Variants in RASAL2 observed in about 807,000 individuals in gnomAD.
RASAL2 encodes the protein RAS protein activator like 2, also known as ras GTPase-activating protein nGAP.
Under a neutral mutation model 128.9 loss-of-function variants are expected in RASAL2, and 58 were observed. That is an observed-to-expected ratio of 0.45 (90% CI 0.36 to 0.56). The LOEUF (loss-of-function observed/expected upper bound fraction) is 0.56, where lower values mean the gene tolerates loss of function less well. Ranked by LOEUF, RASAL2 falls within the 20% of genes least tolerant of loss-of-function variation. The pLI, the probability that RASAL2 is intolerant of heterozygous loss-of-function variation, is 0.00. For synonymous variants in RASAL2, 561 were observed against 580.8 expected, an observed-to-expected ratio of 0.97 and a Z score of 0.49; for missense variants, 1,360 against 1,601.6, an observed-to-expected ratio of 0.85 and a Z score of 2.57.
chr1:178,409,353 G>C (rs1451366360), intron 4 of RASAL2, among the ~76,000 whole-genome samples: 1 of 152,170 alleles, frequency 6.6e-6, no homozygotes, highest in Non-Finnish European at 1.5e-5. Flanking sequence ...CACTGTGCTA[G>C]ATGTAAGGCT....
At chr1:178,149,708 C>T (rs182342260) in intron 1 of RASAL2, among the ~76,000 whole-genome samples, 43 of 152,138 alleles carry the variant, frequency 2.8e-4, no homozygotes, top group African/African-American at 1.0e-3. Flanking sequence ...TGTTTCCTAT[C>T]ATCTTTCCTT....
At chr1:178,219,958 C>T (rs192741342) in intron 1 of RASAL2, among the ~76,000 whole-genome samples, 26 of 152,144 alleles carry the variant, frequency 1.7e-4, no homozygotes, top group Non-Finnish European at 3.1e-4. Flanking sequence ...ATGGCTGGTA[C>T]CCTCCTCTCA....
intron 9 of RASAL2, among the ~76,000 whole-genome samples, chr1:178,447,059 A>G (rs1382608393): frequency 6.6e-6 from 1 of 152,212 alleles, no homozygotes; most frequent in African/African-American, 2.4e-5. Flanking sequence ...ATTTGTGAAA[A>G]CCTCAAATGC....
chr1:178,190,819 G>A (rs1372445897), intron 1 of RASAL2, among the ~76,000 whole-genome samples: 3 of 151,760 alleles, frequency 2.0e-5, no homozygotes, highest in Non-Finnish European at 4.4e-5. Context: ...TTTTTAGGTG[G>A]TGAAGACCTG....
chr1:178,103,225 T>C (rs1658970320), intron 1 of RASAL2, among the ~76,000 whole-genome samples: 1 of 152,176 alleles, frequency 6.6e-6, no homozygotes, highest in Non-Finnish European at 1.5e-5. Context: ...AGATATATTT[T>C]CCTTTCATTT....
At chr1:178,421,030 T>G (rs1416129639) in intron 5 of RASAL2, among the ~76,000 whole-genome samples, 3 of 152,188 alleles carry the variant, frequency 2.0e-5, no homozygotes, top group African/African-American at 7.2e-5. Context: ...CCGTATATGA[T>G]AAATACTATT....
At chr1:178,390,887 G>A (rs1193882588) in intron 4 of RASAL2, among the ~76,000 whole-genome samples, 3 of 151,838 alleles carry the variant, frequency 2.0e-5, no homozygotes, top group Non-Finnish European at 2.9e-5. Flanking sequence ...TTTTAGGAAC[G>A]GGATGTGGTT....
intron 17 of RASAL2, among the ~76,000 whole-genome samples, chr1:178,472,152 A>C (rs907030631): frequency 6.6e-6 from 1 of 152,192 alleles, no homozygotes; most frequent in Non-Finnish European, 1.5e-5. Flanking sequence ...AATCCTTAGG[A>C]GACTGATAAT....
intron 1 of RASAL2, among the ~76,000 whole-genome samples, chr1:178,279,910 AG>A (rs1321286173): frequency 1.3e-5 from 2 of 152,164 alleles, no homozygotes; most frequent in South Asian, 2.1e-4. Context: ...ATATAATGAA[AG>A]GTGTCAATAT....
At chr1:178,240,671 T>C (rs1028394856) in intron 1 of RASAL2, among the ~76,000 whole-genome samples, 3 of 151,766 alleles carry the variant, frequency 2.0e-5, no homozygotes, top group Admixed American at 6.6e-5. Flanking sequence ...ATAAACTTTT[T>C]AGTCTTTTAA....
At chr1:178,343,076 G>A (rs1306551771) in intron 3 of RASAL2, among the ~76,000 whole-genome samples, 3 of 152,178 alleles carry the variant, frequency 2.0e-5, no homozygotes, top group African/African-American at 7.2e-5. Flanking sequence ...AACAGAATCT[G>A]TCATGGCTCT....
At chr1:178,120,600 A>G (rs1430220763) in intron 1 of RASAL2, among the ~76,000 whole-genome samples, 1 of 152,214 alleles carries the variant, frequency 6.6e-6, no homozygotes, top group East Asian at 1.9e-4. Flanking sequence ...AATGTAGCTT[A>G]ATTGTCACTT....
At chr1:178,224,744 C>G (rs1189889940) in intron 1 of RASAL2, among the ~76,000 whole-genome samples, 6 of 152,054 alleles carry the variant, frequency 3.9e-5, no homozygotes, top group Non-Finnish European at 7.4e-5. Context: ...ATAGAATATT[C>G]GTATAGAAAA....
chr1:178,415,046 C>G (rs1339053435), intron 4 of RASAL2, among the ~76,000 whole-genome samples: 1 of 151,944 alleles, frequency 6.6e-6, no homozygotes, highest in Admixed American at 6.6e-5. Context: ...TTGCTTTTAT[C>G]TATTGATTTA....
At chr1:178,467,742 G>A (rs561704647) in intron 17 of RASAL2, among the ~76,000 whole-genome samples, 14 of 152,240 alleles carry the variant, frequency 9.2e-5, no homozygotes, top group Non-Finnish European at 1.9e-4. Flanking sequence ...TGTGAAAAGT[G>A]CACTGCATGT....
chr1:178,282,092 C>T (rs774330302), intron 1 of RASAL2, among the ~76,000 whole-genome samples: 1 of 151,562 alleles, frequency 6.6e-6, no homozygotes, highest in Non-Finnish European at 1.5e-5. Flanking sequence ...ACAGATGTAG[C>T]ATGTAATGCT....
chr1:178,132,469 T>C (rs1488795864), intron 1 of RASAL2, among the ~76,000 whole-genome samples: 1 of 152,178 alleles, frequency 6.6e-6, no homozygotes, highest in Non-Finnish European at 1.5e-5. Context: ...CAAGCTTTTA[T>C]GTTTGTAGTT....
intron 1 of RASAL2, among the ~76,000 whole-genome samples, chr1:178,151,515 A>T (rs1482089051): frequency 6.6e-6 from 1 of 152,240 alleles, no homozygotes; most frequent in Non-Finnish European, 1.5e-5. Flanking sequence ...CAGGAACCTA[A>T]CCTTGTATTT....
chr1:178,297,605 C>G (rs1237540568), intron 2 of RASAL2, among the ~76,000 whole-genome samples: 1 of 100,198 alleles, frequency 1.0e-5, no homozygotes, highest in African/African-American at 5.4e-5. Context: ...AAGACTCCAT[C>G]TCAAAAAAAA....
Sources: allele counts gnomAD v4.1 joint callset (sites outside exome capture counted in the v4.1 genomes callset), GRCh38; gene constraint gnomAD v4.1.1; transcripts MANE v1.5; gene names NCBI Gene and HGNC (gene_info 2026-07-23, HGNC 2026-07-21).